Variants in GALNT10 observed in about 807,000 individuals in gnomAD.
GALNT10 encodes polypeptide N-acetylgalactosaminyltransferase 10.
In GALNT10, 41 loss-of-function variants were observed where a neutral mutation model predicts 75.0. That is an observed-to-expected ratio of 0.55 (90% confidence interval 0.43 to 0.71). GALNT10 has a LOEUF of 0.71. Among genes scored for constraint, GALNT10 ranks in the 30% least tolerant of loss-of-function variants. GALNT10 has a pLI of 0.00. For synonymous variants in GALNT10, 302 were observed against 313.0 expected (o/e 0.96, Z 0.37); for missense variants, 727 against 818.5 (o/e 0.89, Z 1.36).
At chr5:154,337,080 C>A (rs1467772616) in intron 4 of GALNT10, among the ~76,000 whole-genome samples, 1 of 152,092 alleles carries the variant, frequency 6.6e-6, no homozygotes, top group African/African-American at 2.4e-5. Flanking sequence ...ATGCTTTTTC[C>A]CCCATTTATT....
At chr5:154,205,589 C>T (rs911227778) in intron 1 of GALNT10, among the ~76,000 whole-genome samples, 5 of 152,290 alleles carry the variant, frequency 3.3e-5, no homozygotes, top group South Asian at 2.1e-4. Context: ...TCCTTACTCA[C>T]GGCACCTCAG....
chr5:154,406,185 T>C (rs1261457296), intron 8 of GALNT10: 1 of 152,166 alleles, frequency 6.6e-6, no homozygotes, highest in Admixed American at 6.5e-5. Flanking sequence ...CCTTAAACAG[T>C]GACTGCTGTT....
chr5:154,258,164 C>G (rs1419555678), intron 1 of GALNT10, among the ~76,000 whole-genome samples: 2 of 152,146 alleles, frequency 1.3e-5, no homozygotes, highest in African/African-American at 4.8e-5. Context: ...ATTCAGGCTA[C>G]TATCAATATG....
Position 154,191,149 on chromosome 5 carries a change from T to C in GALNT10, c.159+124T>C, listed in dbSNP as rs1044874185. 9 of 638,328 alleles carry C rather than the reference T, an allele frequency of 1.4e-5. No homozygotes were observed. In the African/African-American group the frequency reaches 1.5e-4, roughly 11 times the overall value. 39.5% of individuals were successfully genotyped at this position (638,328 alleles called of 1,614,324 possible). ...AGTCAGCTCCGAGACTCTTCAGCTC[T>C]TCCCATTTTCCGGATGGGAAAATTA... On this transcript the variant is annotated intron_variant, in intron 1 of 11. Coordinates refer to ENST00000297107, the MANE Select transcript of GALNT10 (RefSeq NM_198321.4).
chr5:154,211,292 C>G (rs913743257), intron 1 of GALNT10, among the ~76,000 whole-genome samples: 34 of 152,146 alleles, frequency 2.2e-4, no homozygotes, highest in African/African-American at 8.2e-4. Context: ...ACTATGGACT[C>G]TCTGGAGGGA....
Position 154,418,829 on chromosome 5 carries a change from A to T in GALNT10, c.*1857A>T, listed in dbSNP as rs1756572811. On this transcript the variant is annotated 3_prime_UTR_variant, in exon 12 of 12. Transcript: ENST00000297107. Reference sequence around the variant, plus strand: ...TGTTGATCCCAGTGTCCTTTTCCAAATGAGTGCTGTAGCTTTAGAAGTGGC... The same window carrying T: ...TGTTGATCCCAGTGTCCTTTTCCAATTGAGTGCTGTAGCTTTAGAAGTGGC... 6.6e-6 allele frequency: 1 copy of T among 152,380 alleles called. No individual in the cohort carries two copies. The highest frequency in any genetic ancestry group is 1.9e-4 in the East Asian group (1 of 5,168). The allele number at this position is 152,380 out of a possible 1,614,324, so 9.4% of individuals were successfully genotyped here.
At chr5:154,372,430 C>T (rs1217451399) in intron 4 of GALNT10, among the ~76,000 whole-genome samples, 1 of 152,204 alleles carries the variant, frequency 6.6e-6, no homozygotes, top group East Asian at 1.9e-4. Flanking sequence ...TGGAGATCTT[C>T]TAAGTCATGC....
chr5:154,379,881 G>A (rs756924194), intron 5 of GALNT10, among the ~76,000 whole-genome samples: 12 of 152,178 alleles, frequency 7.9e-5, no homozygotes, highest in Non-Finnish European at 1.5e-4. Flanking sequence ...GATTGAAAGA[G>A]TTGAGCTGAA....
At position 154,190,743 on chromosome 5, in the gene GALNT10, G is replaced by T. The variant is rs533371570; in HGVS notation, c.-124G>T. 1 of 276,892 alleles carries T rather than the reference G, an allele frequency of 3.6e-6. No individual in the cohort carries two copies. Among genetic ancestry groups the T allele is most frequent in the African/African-American group, 2.3e-5 (1 of 43,448 alleles). The allele number at this position is 276,892 out of a possible 1,614,324, so 17.2% of individuals were successfully genotyped here. The stretch of plus-strand genomic sequence containing the variant: ...GGCGGAAGTGCCGCGGAGTTGGAGC[G>T]GGGCCGGCGCCGCAGCCGCTTCTGC... On this transcript the variant is annotated 5_prime_UTR_variant, in exon 1 of 12. Transcript: ENST00000297107.
intron 1 of GALNT10, among the ~76,000 whole-genome samples, chr5:154,270,766 G>A (rs1456739045): frequency 6.6e-6 from 1 of 152,048 alleles, no homozygotes; most frequent in Non-Finnish European, 1.5e-5. Context: ...AGGCTGAATG[G>A]ACAGATCATC....
chr5:154,349,443 G>T (rs1006770573), intron 4 of GALNT10: 3 of 152,150 alleles, frequency 2.0e-5, no homozygotes, highest in African/African-American at 7.2e-5. Flanking sequence ...GCAAGGTGGT[G>T]TGTGCCTGTA....
intron 7 of GALNT10, among the ~76,000 whole-genome samples, chr5:154,394,583 A>G (rs947746200): frequency 6.6e-6 from 1 of 152,230 alleles, no homozygotes; most frequent in East Asian, 1.9e-4. Flanking sequence ...GAGTAGAGAA[A>G]AGGTGTATCC....
chr5:154,295,023 T>C (rs1416795607), intron 2 of GALNT10, 105 bp downstream of exon 2: 3 of 568,068 alleles, frequency 5.3e-6, no homozygotes, highest in African/African-American at 3.8e-5. Context: ...TGTGTGTGTT[T>C]AGCAGGGGTG....
At chr5:154,203,749 G>A (rs2113643719) in intron 1 of GALNT10, among the ~76,000 whole-genome samples, 1 of 152,354 alleles carries the variant, frequency 6.6e-6, no homozygotes, top group South Asian at 2.1e-4. Flanking sequence ...ACACTCCCTT[G>A]GATGAGGCTC....
At chr5:154,367,620 C>T (rs560886715) in intron 4 of GALNT10, among the ~76,000 whole-genome samples, 5 of 152,134 alleles carry the variant, frequency 3.3e-5, no homozygotes, top group East Asian at 1.9e-4. Context: ...TTTGGGAGGC[C>T]GAGGTGGGCG....
At chr5:154,370,895 A>C (rs553665637) in intron 4 of GALNT10, among the ~76,000 whole-genome samples, 68 of 152,330 alleles carry the variant, frequency 4.5e-4, no homozygotes, top group African/African-American at 1.6e-3. Context: ...CAGGCTCAGC[A>C]GAGGCTGCCA....
At chr5:154,405,958 AGTGGATAAGAG>A (rs1756272116) in intron 8 of GALNT10, 1 of 151,630 alleles carries the variant, frequency 6.6e-6, no homozygotes, top group Non-Finnish European at 1.5e-5. Flanking sequence ...AGATTAATTC[AGTGGATAAGAG>A]CTAACTGTAG....
intron 7 of GALNT10, chr5:154,403,682 A>G: frequency 4.7e-6 from 1 of 212,406 alleles, no homozygotes; most frequent in Non-Finnish European, 9.5e-6. Context: ...TAGAATTCTC[A>G]ACACAGCACT....
At chr5:154,390,999 C>T (rs1755887667) in intron 7 of GALNT10, among the ~76,000 whole-genome samples, 1 of 152,212 alleles carries the variant, frequency 6.6e-6, no homozygotes, top group Admixed American at 6.5e-5. Context: ...AATGAGGAGG[C>T]TCCTGAGGTC....
Sources: gnomAD v4.1 joint callset for allele counts (sites outside exome capture counted in the v4.1 genomes callset) on GRCh38, gnomAD v4.1.1 for gene constraint, MANE v1.5 for transcripts, NCBI Gene and HGNC (gene_info 2026-07-23, HGNC 2026-07-21) for gene names.